The following BSPH1 variants were observed in gnomAD, a reference collection of about 807,000 sequenced individuals.
BSPH1 encodes the protein binder of sperm 1.
A neutral mutation model predicts 22.5 loss-of-function variants in BSPH1; 21 were observed. The observed-to-expected ratio is 0.93, with a 90% CI of 0.66 to 1.35. The LOEUF is 1.35. BSPH1 is among the 40% of genes most tolerant of loss of function. The pLI is 0.00. For missense variants in BSPH1, 141 were observed against 154.2 expected (o/e 0.91, Z 0.45); for synonymous variants, 42 against 53.6 (o/e 0.78, Z 0.95).
chr19:47,989,562 C>T (rs1469615705), intron 1 of BSPH1, among the ~76,000 whole-genome samples: 2 of 147,756 alleles, frequency 1.4e-5, no homozygotes, highest in African/African-American at 5.1e-5. Flanking sequence ...TTCACCTCCT[C>T]TGTCCCACTT....
rs10589898 is a variant in BSPH1, at chr19:47,969,684, G to GGAGAGAGAGAGAGAGAGAGAGAGAGA, written c.*3-1501_*3-1476dup. 1.7e-4 allele frequency among the ~76,000 whole-genome samples: 19 copies of GGAGAGAGAGAGAGAGAGAGAGAGAGA among 113,876 alleles called. 1 individual carries two copies. The highest frequency in any genetic ancestry group is 1.3e-3 in the South Asian group (4 of 2,992). 74.7% of individuals were successfully genotyped at this position (113,876 alleles called of 152,430 possible). ...CACTACCTGTAAGGCAGGGAGAGGG[G>GGAGAGAGAGAGAGAGAGAGAGAGAGA]GAGAGAGAGAGAGAGAGAGAGAGAG... On this transcript the variant is annotated intron_variant, in intron 5 of 5. Coordinates refer to ENST00000344839, the MANE Select transcript of BSPH1 (RefSeq NM_001128326.2).
At chr19:47,974,049 T>C (rs1969336535) in intron 5 of BSPH1, among the ~76,000 whole-genome samples, 1 of 152,116 alleles carries the variant, frequency 6.6e-6, no homozygotes, top group African/African-American at 2.4e-5. Flanking sequence ...TTGGTGGGAT[T>C]ACAAACTCAT....
intron 5 of BSPH1, among the ~76,000 whole-genome samples, chr19:47,975,896 C>T (rs574579452): frequency 1.0e-3 from 156 of 152,274 alleles, no homozygotes; most frequent in African/African-American, 3.6e-3. Flanking sequence ...ACCTCGTGAT[C>T]CACCCGCCTC....
At chr19:47,975,186 G>C (rs1225410752) in intron 5 of BSPH1, among the ~76,000 whole-genome samples, 1 of 151,924 alleles carries the variant, frequency 6.6e-6, no homozygotes, top group Non-Finnish European at 1.5e-5. Context: ...ACTATTCTTT[G>C]TTATTTCCTT....
chr19:47,983,554 A>T (rs1163789183), intron 1 of BSPH1, among the ~76,000 whole-genome samples: 2 of 152,142 alleles, frequency 1.3e-5, no homozygotes, highest in African/African-American at 4.8e-5. Flanking sequence ...TATCATAAAC[A>T]CAGTGCACCA....
chr19:47,974,265 C>CTTTT (rs1969339011), intron 5 of BSPH1, among the ~76,000 whole-genome samples: 1 of 120,110 alleles, frequency 8.3e-6, no homozygotes, highest in Non-Finnish European at 1.6e-5. Flanking sequence ...TTCTCTCTCT[C>CTTTT]TCTCTTTTTT....
At chr19:47,970,801 A>T (rs767600115) in intron 5 of BSPH1, among the ~76,000 whole-genome samples, 12 of 152,128 alleles carry the variant, frequency 7.9e-5, no homozygotes, top group Non-Finnish European at 1.6e-4. Context: ...GGTCATTTTA[A>T]ATGTGTTTCT....
In BSPH1 at chr19:47,979,634, A is replaced by G. The variant is rs989420337; in HGVS notation, c.95-35T>C. 15 of 1,044,884 alleles carry G rather than the reference A, an allele frequency of 1.4e-5. No homozygotes were observed. The Middle Eastern group carries it at 1.9e-3, about 131-fold the overall frequency. 64.7% of individuals were successfully genotyped at this position (1,044,884 alleles called of 1,614,324 possible). On this transcript the variant is annotated intron_variant, in intron 2 of 5. Transcript: ENST00000344839. ...AAAATTTAGAGCTGACATTTATTTC[A>G]CTATTATTAGGCTTTAAAATGGGCT...
At chr19:47,977,563 CG>C in intron 3 of BSPH1, 59 bp from the exon 4 acceptor site, 1 of 1,533,750 alleles carries the variant, frequency 6.5e-7, no homozygotes, top group Non-Finnish European at 8.8e-7. Context: ...GGTTATCAAG[CG>C]ACTGTCTTCC....
chr19:47,972,480 TTTC>T (rs1969319424), intron 5 of BSPH1, among the ~76,000 whole-genome samples: 1 of 152,130 alleles, frequency 6.6e-6, no homozygotes, highest in Non-Finnish European at 1.5e-5. Flanking sequence ...CTGTTGTCCT[TTTC>T]TTTTCTCCAT....
intron 5 of BSPH1, among the ~76,000 whole-genome samples, chr19:47,969,255 G>T (rs922946949): frequency 6.6e-6 from 1 of 152,118 alleles, no homozygotes; most frequent in African/African-American, 2.4e-5. Context: ...TAGGTTTGGG[G>T]CTGGGCAAAT....
intron 1 of BSPH1, among the ~76,000 whole-genome samples, chr19:47,991,494 T>TCTC (rs758807960): frequency 7.9e-6 from 1 of 126,840 alleles, no homozygotes; most frequent in Non-Finnish European, 1.7e-5. Flanking sequence ...TTCTCTTCCT[T>TCTC]CTCCTCCTCC....
intron 2 of BSPH1, chr19:47,980,476 T>TA: frequency 1.1e-4 from 31 of 275,728 alleles, no homozygotes; most frequent in South Asian, 1.6e-4. Flanking sequence ...TCTTCTTCTT[T>TA]CTTTTTTTTT....
At chr19:47,968,364 T>C (rs1334285437) in intron 5 of BSPH1, among the ~76,000 whole-genome samples, 155 bp from the exon 6 acceptor site, 1 of 64,208 alleles carries the variant, frequency 1.6e-5, no homozygotes, top group Non-Finnish European at 3.0e-5. Context: ...CTCTTTTTTC[T>C]TTTTTTTTTT....
chr19:47,975,952 G>A (rs969963327), intron 5 of BSPH1, among the ~76,000 whole-genome samples: 1 of 152,110 alleles, frequency 6.6e-6, no homozygotes, highest in Admixed American at 6.5e-5. Context: ...ACCGTGCCCG[G>A]CCAAGGTAAT....
intron 1 of BSPH1, among the ~76,000 whole-genome samples, chr19:47,990,816 G>T (rs1457621521): frequency 6.6e-6 from 1 of 151,992 alleles, no homozygotes; most frequent in Non-Finnish European, 1.5e-5. Context: ...ACACGACTTT[G>T]GAAAAGGAAT....
chr19:47,984,625 G>A (rs183872361), intron 1 of BSPH1, among the ~76,000 whole-genome samples: 1 of 152,222 alleles, frequency 6.6e-6, no homozygotes, highest in East Asian at 1.9e-4. Context: ...GAGGCCATTA[G>A]CCTAAGCAAA....
rs191624023 is a variant in BSPH1, at chr19:47,975,729, C to T, written c.*2+981G>A. Among the ~76,000 whole-genome samples, 143 of 148,182 alleles carry T rather than the reference C, an allele frequency of 9.7e-4. 2 individuals carry two copies. In the East Asian group the frequency reaches 0.026, roughly 27 times the overall value. On this transcript the variant is annotated intron_variant, in intron 5 of 5. Transcript: ENST00000344839. ...GGAGTGCAGTGGTGCGATCTCGGCT[C>T]ACTGCAAGCTCCGCCTCCCGTGTTC...
chr19:47,970,085 G>A (rs1043922888), intron 5 of BSPH1, among the ~76,000 whole-genome samples: 4 of 152,058 alleles, frequency 2.6e-5, no homozygotes, highest in Non-Finnish European at 5.9e-5. Context: ...TTGAGATGGA[G>A]TCTCACTCTG....
Sources: gnomAD v4.1 joint callset for allele counts (sites outside exome capture counted in the v4.1 genomes callset) on GRCh38, gnomAD v4.1.1 for gene constraint, MANE v1.5 for transcripts, NCBI Gene and HGNC (gene_info 2026-07-23, HGNC 2026-07-21) for gene names.